The following PTPRK variants were observed in gnomAD, a reference collection of about 807,000 sequenced individuals.
PTPRK encodes receptor-type tyrosine-protein phosphatase kappa.
A neutral mutation model predicts 178.0 loss-of-function variants in PTPRK; 75 were observed. The observed-to-expected ratio is 0.42, with a 90% CI of 0.35 to 0.51. The LOEUF is 0.51. PTPRK is among the 20% of genes least tolerant of loss of function. PTPRK has a pLI of 0.02. For synonymous variants in PTPRK, 637 were observed against 620.6 expected (o/e 1.03, Z -0.39); for missense variants, 1,441 against 1,797.8 (o/e 0.80, Z 3.59).
chr6:128,279,958 T>C (rs1821412100), intron 3 of PTPRK, among the ~76,000 whole-genome samples: 1 of 152,208 alleles, frequency 6.6e-6, no homozygotes, highest in Non-Finnish European at 1.5e-5. Context: ...AATCACTGAC[T>C]TACTAGAACA....
At chr6:128,000,393 G>T (rs1777687813) in intron 15 of PTPRK, 1 of 1,090,446 alleles carries the variant, frequency 9.2e-7, no homozygotes, top group Non-Finnish European at 1.2e-6. Flanking sequence ...AATTTAGCTT[G>T]ATTGCATTTA....
intron 6 of PTPRK, among the ~76,000 whole-genome samples, chr6:128,210,454 GA>G (rs1245531875): frequency 2.0e-5 from 3 of 149,760 alleles, no homozygotes; most frequent in African/African-American, 4.9e-5. Flanking sequence ...TATTTTTGGG[GA>G]GGGGGGGTGG....
In PTPRK at chr6:128,134,577, G is replaced by A. The variant is rs142026632; in HGVS notation, c.1163-44585C>T. ...TGTAATCCCAGCACTTAGGGAGGCC[G>A]AGGCAGGCTGACCACTTGAGCTCAG... On this transcript the variant is annotated intron_variant, in intron 7 of 29. Coordinates refer to ENST00000368226, the MANE Select transcript of PTPRK (RefSeq NM_002844.4). Among the ~76,000 whole-genome samples the A allele has an allele frequency of 8.0e-4, 122 of 152,204 alleles. No homozygotes were observed. In the East Asian group the frequency reaches 0.01, roughly 13 times the overall value.
chr6:128,361,804 T>C (rs1834797915), intron 2 of PTPRK, among the ~76,000 whole-genome samples: 1 of 152,150 alleles, frequency 6.6e-6, no homozygotes, highest in African/African-American at 2.4e-5. Context: ...CATCATTATG[T>C]GGCAAATGAC....
At chr6:128,075,604 G>A (rs141735928) in intron 11 of PTPRK, among the ~76,000 whole-genome samples, 73 of 152,098 alleles carry the variant, frequency 4.8e-4, no homozygotes, top group African/African-American at 1.3e-3. Context: ...CCACTCACAC[G>A]GGTGCACATA....
chr6:128,489,861 A>C (rs752936646), intron 1 of PTPRK, among the ~76,000 whole-genome samples: 1 of 152,200 alleles, frequency 6.6e-6, no homozygotes, highest in Non-Finnish European at 1.5e-5. Context: ...AGTATAATCC[A>C]TTCTGCATCT....
chr6:128,138,189 T>C (rs899029094), intron 7 of PTPRK, among the ~76,000 whole-genome samples: 5 of 152,112 alleles, frequency 3.3e-5, no homozygotes, highest in East Asian at 1.9e-4. Flanking sequence ...ACAAAAGAGA[T>C]ACTGAACATG....
intron 1 of PTPRK, among the ~76,000 whole-genome samples, chr6:128,441,071 A>C (rs1321207184): frequency 6.6e-6 from 1 of 152,196 alleles, no homozygotes; most frequent in Admixed American, 6.5e-5. Context: ...AGCCACATCA[A>C]ATTTCTGAAT....
At chr6:128,299,144 C>T (rs1021217901) in intron 3 of PTPRK, among the ~76,000 whole-genome samples, 9 of 152,104 alleles carry the variant, frequency 5.9e-5, no homozygotes, top group African/African-American at 1.9e-4. Context: ...AATAAAATAC[C>T]TAGGAATCCA....
Position 128,184,629 on chromosome 6 carries a change from G to A in PTPRK, c.965C>T (p.Pro322Leu). 1 of 1,614,030 alleles carries A rather than the reference G, an allele frequency of 6.2e-7. No homozygotes were observed. The highest frequency in any genetic ancestry group is 8.5e-7 in the Non-Finnish European group (1 of 1,179,964). The change falls in exon 7 of 30, where the codon CCT becomes CTT. Residue 322 changes from proline to leucine, a missense_variant. This residue lies in a region of PTPRK where 945 missense variants were observed against 1,080.6 expected (regional missense o/e 0.87). Coordinates refer to ENST00000368226, the MANE Select transcript of PTPRK (RefSeq NM_002844.4). ...LNANSIIGDGPIILKEVEYRM... is the reference protein window; with the variant it reads ...LNANSIIGDGLIILKEVEYRM... ...GTACTCTACTTCTTTCAGGATGATA[G>A]GACCATCGCCAATGATCGAGTTGGC...
intron 11 of PTPRK, among the ~76,000 whole-genome samples, chr6:128,075,457 G>C (rs765500277): frequency 6.6e-6 from 1 of 151,876 alleles, no homozygotes; most frequent in Non-Finnish European, 1.5e-5. Flanking sequence ...TCTGCAATTC[G>C]TAAATGCATC....
At chr6:128,023,240 A>G (rs1343329315) in intron 13 of PTPRK, among the ~76,000 whole-genome samples, 1 of 152,212 alleles carries the variant, frequency 6.6e-6, no homozygotes, top group Non-Finnish European at 1.5e-5. Context: ...ATCTTAGCTG[A>G]CGAGTGATTT....
At chr6:128,228,105 C>T (rs1811667091) in intron 5 of PTPRK, among the ~76,000 whole-genome samples, 1 of 139,952 alleles carries the variant, frequency 7.1e-6, no homozygotes, top group Admixed American at 7.4e-5. Flanking sequence ...TACCCCAGAA[C>T]TTAAAGTCTA....
At chr6:128,428,547 A>T (rs549179125) in intron 1 of PTPRK, among the ~76,000 whole-genome samples, 1 of 152,308 alleles carries the variant, frequency 6.6e-6, no homozygotes, top group African/African-American at 2.4e-5. Context: ...TACCTCCCTG[A>T]GGAGGAACTA....
chr6:128,242,727 C>A, intron 3 of PTPRK, 125 bp from the exon 4 acceptor site: 1 of 1,354,590 alleles, frequency 7.4e-7, no homozygotes, highest in Middle Eastern at 2.2e-4. Context: ...AAAAATTTAA[C>A]CTTATAATGT....
At chr6:128,042,634 C>T (rs1382257662) in intron 13 of PTPRK, among the ~76,000 whole-genome samples, 1 of 152,032 alleles carries the variant, frequency 6.6e-6, no homozygotes, top group African/African-American at 2.4e-5. Flanking sequence ...AATAACTTTT[C>T]CATCTCAAGA....
At chr6:127,983,109 G>T in intron 23 of PTPRK, 129 bp from the exon 24 acceptor site, 1 of 1,280,342 alleles carries the variant, frequency 7.8e-7, no homozygotes, top group South Asian at 1.5e-5. Flanking sequence ...TTTTCTATAT[G>T]ACTCAGCTAA....
chr6:128,031,865 C>T (rs1293137052), intron 13 of PTPRK, among the ~76,000 whole-genome samples: 1 of 152,176 alleles, frequency 6.6e-6, no homozygotes, highest in Admixed American at 6.5e-5. Context: ...AACACTGGAA[C>T]GGTCCAGTGA....
At chr6:128,130,666 T>A (rs2114456624) in intron 7 of PTPRK, among the ~76,000 whole-genome samples, 1 of 152,302 alleles carries the variant, frequency 6.6e-6, no homozygotes, top group African/African-American at 2.4e-5. Flanking sequence ...TGTTTTATTG[T>A]AACTCTCCAA....
Sources: gnomAD v4.1 joint callset for allele counts (sites outside exome capture counted in the v4.1 genomes callset) on GRCh38, gnomAD v4.1.1 for gene constraint, gnomAD v4.1.1 regional missense constraint, MANE v1.5 for transcripts, NCBI Gene and HGNC (gene_info 2026-07-23, HGNC 2026-07-21) for gene names.